The following KCNQ3 variants were observed in gnomAD, a reference collection of about 807,000 sequenced individuals.
The protein encoded by KCNQ3 is potassium voltage-gated channel subfamily Q member 3.
KCNQ3 carries 30 observed loss-of-function variants against 92.5 expected under a neutral mutation model. The ratio of observed to expected loss-of-function variants is 0.32; its 90% CI spans 0.24 to 0.44. KCNQ3 has a LOEUF of 0.44. KCNQ3 is among the 20% of genes least tolerant of loss of function. The pLI, the probability that KCNQ3 is intolerant of heterozygous loss-of-function variation, is 1.00. For synonymous variants in KCNQ3, 450 were observed against 468.8 expected, an observed-to-expected ratio of 0.96 and a Z score of 0.52; for missense variants, 913 against 1,140.3, an observed-to-expected ratio of 0.80 and a Z score of 2.87.
At chr8:132,212,491 T>C (rs1465982747) in intron 1 of KCNQ3, among the ~76,000 whole-genome samples, 1 of 152,108 alleles carries the variant, frequency 6.6e-6, no homozygotes, top group Non-Finnish European at 1.5e-5. Flanking sequence ...CCTGGTCTTC[T>C]AGGACTGACT....
At chr8:132,435,330 C>T (rs1821364361) in intron 1 of KCNQ3, among the ~76,000 whole-genome samples, 1 of 152,166 alleles carries the variant, frequency 6.6e-6, no homozygotes, top group South Asian at 2.1e-4. Context: ...GGTCTGGGGT[C>T]GTTCCAGCAA....
chr8:132,318,124 T>C (rs1355141495), intron 1 of KCNQ3, among the ~76,000 whole-genome samples: 1 of 152,250 alleles, frequency 6.6e-6, no homozygotes, highest in African/African-American at 2.4e-5. Flanking sequence ...AGTCACATTC[T>C]GAGGCCAGTA....
intron 1 of KCNQ3, among the ~76,000 whole-genome samples, chr8:132,248,353 T>TG (rs1815260202): frequency 6.6e-6 from 1 of 151,006 alleles, no homozygotes; most frequent in Non-Finnish European, 1.5e-5. Flanking sequence ...TATATATATA[T>TG]ATATGATGAG....
At chr8:132,204,348 T>G (rs1169077202) in intron 1 of KCNQ3, among the ~76,000 whole-genome samples, 1 of 152,228 alleles carries the variant, frequency 6.6e-6, no homozygotes, top group Non-Finnish European at 1.5e-5. Context: ...ACACCACAGC[T>G]GTGCACTATC....
chr8:132,406,402 C>T lies in KCNQ3; in HGVS notation c.386+73745G>A, dbSNP rs570479375. Among the ~76,000 whole-genome samples the T allele has an allele frequency of 2.6e-5, 4 of 152,284 alleles. No homozygotes were observed. The East Asian group carries it at 7.7e-4, about 29-fold the overall frequency. On this transcript the variant is annotated intron_variant, in intron 1 of 14. Transcript: ENST00000388996. ...CTGAATATCAACCTTGCTCCTAATG[C>T]TCCCACAGGGAGAAAAGTGCTGATC...
intron 1 of KCNQ3, among the ~76,000 whole-genome samples, chr8:132,418,813 CATAAAA>C (rs1385281977): frequency 6.6e-6 from 1 of 151,968 alleles, no homozygotes; most frequent in Non-Finnish European, 1.5e-5. Context: ...AATTTAAAAA[CATAAAA>C]ATAAAAAGTA....
intron 1 of KCNQ3, among the ~76,000 whole-genome samples, chr8:132,274,326 C>G (rs555944604): frequency 6.6e-6 from 1 of 152,134 alleles, no homozygotes; most frequent in Non-Finnish European, 1.5e-5. Flanking sequence ...CTTCAGATCT[C>G]GTGAGACTTA....
chr8:132,283,074 A>ATC (rs57257623), intron 1 of KCNQ3, among the ~76,000 whole-genome samples: 36 of 143,430 alleles, frequency 2.5e-4, no homozygotes, highest in East Asian at 6.1e-4. Flanking sequence ...GGAGATGAGG[A>ATC]TCTCTCTCTC....
intron 1 of KCNQ3, among the ~76,000 whole-genome samples, chr8:132,425,092 G>A (rs568896954): frequency 6.6e-6 from 1 of 152,300 alleles, no homozygotes; most frequent in Non-Finnish European, 1.5e-5. Flanking sequence ...ACCATGGTGG[G>A]TAAAGACCCT....
chr8:132,254,742 G>T (rs750426075), intron 1 of KCNQ3, among the ~76,000 whole-genome samples: 5 of 152,120 alleles, frequency 3.3e-5, no homozygotes, highest in Non-Finnish European at 5.9e-5. Flanking sequence ...AGCTGGGCGT[G>T]GTGGCATGTG....
chr8:132,225,505 A>T (rs1214042997), intron 1 of KCNQ3, among the ~76,000 whole-genome samples: 1 of 152,228 alleles, frequency 6.6e-6, no homozygotes, highest in Non-Finnish European at 1.5e-5. Context: ...TGGAACCAAG[A>T]ACTGGGACAA....
At chr8:132,250,593 C>T (rs1360782340) in intron 1 of KCNQ3, among the ~76,000 whole-genome samples, 1 of 152,020 alleles carries the variant, frequency 6.6e-6, no homozygotes, top group Non-Finnish European at 1.5e-5. Flanking sequence ...TCTCAGTGGC[C>T]TAGTTGTACA....
At chr8:132,373,750 G>A (rs1195842307) in intron 1 of KCNQ3, among the ~76,000 whole-genome samples, 2 of 152,082 alleles carry the variant, frequency 1.3e-5, no homozygotes, top group Non-Finnish European at 2.9e-5. Flanking sequence ...ACAGATACAG[G>A]TGCCCAGTGA....
intron 1 of KCNQ3, among the ~76,000 whole-genome samples, chr8:132,337,470 C>G (rs2130676278): frequency 6.6e-6 from 1 of 152,188 alleles, no homozygotes; most frequent in South Asian, 2.1e-4. Context: ...TATCACTGTA[C>G]TCCAGCCTGG....
intron 1 of KCNQ3, among the ~76,000 whole-genome samples, chr8:132,328,965 C>T (rs1818148695): frequency 2.6e-5 from 4 of 152,166 alleles, no homozygotes; most frequent in South Asian, 2.1e-4. Flanking sequence ...CATCTCTACC[C>T]GCCCATTCAG....
chr8:132,387,087 A>G (rs1430675661), intron 1 of KCNQ3, among the ~76,000 whole-genome samples: 1 of 152,252 alleles, frequency 6.6e-6, no homozygotes, highest in Non-Finnish European at 1.5e-5. Flanking sequence ...GAAACCAGAA[A>G]GAACATTCTC....
intron 1 of KCNQ3, among the ~76,000 whole-genome samples, chr8:132,286,796 A>C (rs990535609): frequency 5.9e-5 from 9 of 152,246 alleles, no homozygotes; most frequent in African/African-American, 1.7e-4. Flanking sequence ...TTAGGTCATT[A>C]AGATGAATTA....
intron 1 of KCNQ3, among the ~76,000 whole-genome samples, chr8:132,295,869 A>T (rs1409340356): frequency 4.6e-5 from 7 of 152,058 alleles, no homozygotes; most frequent in South Asian, 2.1e-4. Flanking sequence ...AACAACATGC[A>T]TCGGGGCCTG....
At chr8:132,388,924 C>A (rs1167656554) in intron 1 of KCNQ3, among the ~76,000 whole-genome samples, 3 of 152,172 alleles carry the variant, frequency 2.0e-5, no homozygotes, top group Non-Finnish European at 2.9e-5. Context: ...AACTTAAATA[C>A]CGACACATAC....
Sources: allele counts gnomAD v4.1 joint callset (sites outside exome capture counted in the v4.1 genomes callset), GRCh38; gene constraint gnomAD v4.1.1; transcripts MANE v1.5; gene names NCBI Gene and HGNC (gene_info 2026-07-23, HGNC 2026-07-21).